Variants in BCKDK observed in about 807,000 individuals in gnomAD.
BCKDK encodes branched chain keto acid dehydrogenase kinase, also known as branched-chain alpha-ketoacid dehydrogenase kinase.
In BCKDK, 28 loss-of-function variants were observed where a neutral mutation model predicts 43.9. The observed-to-expected ratio is 0.64, with a 90% confidence interval of 0.47 to 0.87. The LOEUF (loss-of-function observed/expected upper bound fraction) is 0.87. Among genes scored for constraint, BCKDK ranks in the 40% least tolerant of loss-of-function variants. The pLI, the probability that BCKDK is intolerant of heterozygous loss-of-function variation, is 0.00. For missense variants in BCKDK, 483 were observed against 581.4 expected (o/e 0.83, Z 1.74); for synonymous variants, 257 against 234.3 (o/e 1.10, Z -0.88).
Position 31,109,021 on chromosome 16 carries a change from C to T in BCKDK, c.-177-26C>T. 2 of 504,056 alleles carry T rather than the reference C, an allele frequency of 4.0e-6. No homozygotes were observed. The highest frequency in any genetic ancestry group is 6.9e-6 in the Non-Finnish European group (2 of 287,990). 31.2% of individuals were successfully genotyped at this position (504,056 alleles called of 1,614,324 possible). On this transcript the variant is annotated intron_variant, in intron 1 of 11. Coordinates refer to ENST00000219794, the MANE Select transcript of BCKDK (RefSeq NM_005881.4). The surrounding 1 kb of genome is among the most constrained non-coding windows in gnomAD (Gnocchi z 5.3). ...CGGGTTCTGTGGATTCGGATCCTTACAACTTCCTCTTCCCCGCCCCGGTAG... is the reference window on the plus strand; with the variant it reads ...CGGGTTCTGTGGATTCGGATCCTTATAACTTCCTCTTCCCCGCCCCGGTAG...
chr16:31,112,447 C>T lies in BCKDK; in HGVS notation c.*182C>T, dbSNP rs571605687. On this transcript the variant is annotated 3_prime_UTR_variant, in exon 12 of 12. Transcript: ENST00000219794. This position sits in a 1 kb window ranked among gnomAD's most constrained non-coding sequence, Gnocchi z 5.0. Reference sequence around the variant, plus strand: ...GCCTCAACAGGGTCCATTGCCTCCTCGCCTCCAGAACTTGGAGCAGGGAAG... The same window carrying T: ...GCCTCAACAGGGTCCATTGCCTCCTTGCCTCCAGAACTTGGAGCAGGGAAG... 1.3e-5 allele frequency: 13 copies of T among 1,001,494 alleles called. No individual in the cohort carries two copies. The East Asian group carries it at 1.6e-4, about 12-fold the overall frequency. 62.0% of individuals were successfully genotyped at this position (1,001,494 alleles called of 1,614,324 possible). A position where few individuals can be genotyped will look rare whatever the true frequency, so the allele number is the denominator to read the frequency against.
At chr16:31,116,929 G>GA (rs1567432005), downstream of BCKDK, among the ~76,000 whole-genome samples, 1 of 44,278 alleles carries the variant, frequency 2.3e-5, no homozygotes, top group Non-Finnish European at 4.7e-5. Context: ...AAAAAAAAAA[G>GA]GGGGGGGGGC....
Position 31,110,521 on chromosome 16 carries a change from C to T in BCKDK, c.642+22C>T, listed in dbSNP as rs762568662. 4.3e-6 allele frequency: 7 copies of T among 1,611,544 alleles called. No individual in the cohort carries two copies. The highest frequency in any genetic ancestry group is 5.9e-6 in the Non-Finnish European group (7 of 1,178,186). On this transcript the variant is annotated intron_variant, in intron 7 of 11. Transcript: ENST00000219794. The surrounding 1 kb of genome is among the most constrained non-coding windows in gnomAD (Gnocchi z 5.4). ...CAAGGTGGGGCTCTGGGACCTGAGA[C>T]CCACCTGGGAACATTAAGTGAGACA...
At chr16:31,114,620 T>C (rs972523934), downstream of BCKDK, among the ~76,000 whole-genome samples, 2 of 152,120 alleles carry the variant, frequency 1.3e-5, no homozygotes, top group African/African-American at 2.4e-5. Context: ...TCAAACAAGA[T>C]TCAGAGAATA....
rs767003668 is a variant in BCKDK, at chr16:31,112,001, T to C, written c.1068T>C (p.Ser356=). 7.4e-6 allele frequency: 12 copies of C among 1,614,026 alleles called. No individual in the cohort carries two copies. In the South Asian group the frequency reaches 9.9e-5, roughly 13 times the overall value. Residue 356 remains serine (S), a synonymous_variant, in exon 11 of 12, where the codon AGT becomes AGC. Coordinates refer to ENST00000219794, the MANE Select transcript of BCKDK (RefSeq NM_005881.4). The surrounding 1 kb of genome is among the most constrained non-coding windows in gnomAD (Gnocchi z 5.0). ...SPLFGHLDMH[S]GAQSGPMHGF... ...TCTTTGGCCATCTGGACATGCATAG[T>C]GGCGCCCAGTCAGGACCCATGCACG... is the stretch of plus-strand genomic sequence containing the variant.
chr16:31,112,401 C>T lies in BCKDK; in HGVS notation c.*136C>T. The T allele has an allele frequency of 7.1e-7, 1 of 1,399,824 alleles. No homozygotes were observed. Among genetic ancestry groups the T allele is most frequent in the Admixed American group, 1.9e-5 (1 of 52,854 alleles). The allele number at this position is 1,399,824 out of a possible 1,614,324, so 86.7% of individuals were successfully genotyped here. On this transcript the variant is annotated 3_prime_UTR_variant, in exon 12 of 12. Coordinates refer to ENST00000219794, the MANE Select transcript of BCKDK (RefSeq NM_005881.4). The surrounding 1 kb of genome is among the most constrained non-coding windows in gnomAD (Gnocchi z 5.0). ...TCAGGGACCCAGACAGATGGACTTA[C>T]ATGGAGCTGGGCACTGCCCTGCCTC...
chr16:31,114,138 G>T (rs749701998), downstream of BCKDK, among the ~76,000 whole-genome samples: 1 of 152,182 alleles, frequency 6.6e-6, no homozygotes, highest in African/African-American at 2.4e-5. Flanking sequence ...TGGGCACACA[G>T]AAACAGCAAG....
downstream of BCKDK, among the ~76,000 whole-genome samples, chr16:31,116,532 G>A (rs1232812845): frequency 1.3e-5 from 2 of 151,958 alleles, no homozygotes; most frequent in East Asian, 3.9e-4. Flanking sequence ...TCCTGTGAGG[G>A]TGAATTATGG....
At chr16:31,115,990 C>T (rs1025339272), downstream of BCKDK, 2 of 152,380 alleles carry the variant, frequency 1.3e-5, no homozygotes, top group Admixed American at 6.5e-5. Context: ...CAGCTCACTG[C>T]AAGCTCCACC....
downstream of BCKDK, among the ~76,000 whole-genome samples, chr16:31,116,933 G>GT (rs1171642934): frequency 8.1e-6 from 1 of 123,154 alleles, no homozygotes; most frequent in Non-Finnish European, 1.7e-5. Context: ...AAAAAAGGGG[G>GT]GGGGGCGGGG....
In BCKDK at chr16:31,112,366, A is replaced by G. The variant is rs1232137829; in HGVS notation, c.*101A>G. ...GGCCCCCTGCTCCACACACTGCTGC[A>G]TCTTGGGTCTCAGGGACCCAGACAG... On this transcript the variant is annotated 3_prime_UTR_variant, in exon 12 of 12. Coordinates refer to ENST00000219794, the MANE Select transcript of BCKDK (RefSeq NM_005881.4). The surrounding 1 kb of genome is among the most constrained non-coding windows in gnomAD (Gnocchi z 5.0). 4 of 1,557,206 alleles carry G rather than the reference A, an allele frequency of 2.6e-6. No homozygotes were observed. Among genetic ancestry groups the G allele is most frequent in the African/African-American group, 1.4e-5 (1 of 74,060 alleles).
rs1281063641 is a variant in BCKDK, at chr16:31,109,026, TC to T, written c.-177-19del. ...TCTGTGGATTCGGATCCTTACAACT[TC>T]CTCTTCCCCGCCCCGGTAGATGGGA... On this transcript the variant is annotated intron_variant, in intron 1 of 11. Transcript: ENST00000219794. This position sits in a 1 kb window ranked among gnomAD's most constrained non-coding sequence, Gnocchi z 5.3. The T allele has an allele frequency of 2.0e-6, 1 of 506,496 alleles. No individual in the cohort carries two copies. Among genetic ancestry groups the T allele is most frequent in the Non-Finnish European group, 3.4e-6 (1 of 290,248 alleles). The allele number at this position is 506,496 out of a possible 1,614,324, so 31.4% of individuals were successfully genotyped here.
rs766941920 is a variant in BCKDK at position 31,109,471 on chromosome 16, T to G, written c.196-40T>G. 1 of 1,611,142 alleles carries G rather than the reference T, an allele frequency of 6.2e-7. No individual in the cohort carries two copies. The highest frequency in any genetic ancestry group is 8.5e-7 in the Non-Finnish European group (1 of 1,179,146). ...TCCGGGATGTAGGCGGGAGGGAGAG[T>G]GTTGGGGGTTCTCTGCTCAAGGCCT... On this transcript the variant is annotated intron_variant, in intron 2 of 11. Transcript: ENST00000219794. This position sits in a 1 kb window ranked among gnomAD's most constrained non-coding sequence, Gnocchi z 5.3.
chr16:31,110,154 G>A lies in BCKDK; in HGVS notation c.423+30G>A. On this transcript the variant is annotated intron_variant, in intron 5 of 11. Transcript: ENST00000219794. This position sits in a 1 kb window ranked among gnomAD's most constrained non-coding sequence, Gnocchi z 5.4. ...GTGCTGGGCCAGAGCAGGGTGAGGG[G>A]CTGAGAGGTTGGGCTTGGACCACCC... 4.3e-6 allele frequency: 7 copies of A among 1,614,186 alleles called. No individual in the cohort carries two copies. Among genetic ancestry groups the A allele is most frequent in the Non-Finnish European group, 5.9e-6 (7 of 1,180,034 alleles).
chr16:31,110,464 T>C lies in BCKDK; in HGVS notation c.607T>C (p.Leu203=), dbSNP rs1158503646. The C allele has an allele frequency of 1.2e-6, 2 of 1,613,754 alleles. No individual in the cohort carries two copies. The highest frequency in any genetic ancestry group is 1.3e-5 in the African/African-American group (1 of 74,908). The change falls in exon 7 of 12, where the codon TTG becomes CTG. Residue 203 remains leucine, a synonymous_variant. Transcript: ENST00000219794. This position sits in a 1 kb window ranked among gnomAD's most constrained non-coding sequence, Gnocchi z 5.4. The stretch of plus-strand genomic sequence containing the variant: ...GACTTCGAGGCTTGGAATCCGCATG[T>C]TGGCCACGCATCACCTGGCGCTGCA... ...TLTSRLGIRM[L]ATHHLALHED...
Position 31,110,610 on chromosome 16 carries a change from T to C in BCKDK, c.643-78T>C. 1 of 1,590,282 alleles carries C rather than the reference T, an allele frequency of 6.3e-7. No homozygotes were observed. The highest frequency in any genetic ancestry group is 8.6e-7 in the Non-Finnish European group (1 of 1,158,874). ...GGCTGAGGCTGTGGGGCTGGTGCTT[T>C]GGGGCAGTTCCGAAGTTGCCAGCAT... On this transcript the variant is annotated intron_variant, in intron 7 of 11. Coordinates refer to ENST00000219794, the MANE Select transcript of BCKDK (RefSeq NM_005881.4). The surrounding 1 kb of genome is among the most constrained non-coding windows in gnomAD (Gnocchi z 5.4).
rs2057382852 is a variant in BCKDK, at chr16:31,108,484, G to C, written c.-178+5G>C. 1 of 152,188 alleles carries C rather than the reference G, an allele frequency of 6.6e-6. No individual in the cohort carries two copies. Among genetic ancestry groups the C allele is most frequent in the African/African-American group, 2.4e-5 (1 of 41,452 alleles). The allele number at this position is 152,188 out of a possible 1,614,324, so 9.4% of individuals were successfully genotyped here. ...GGCCCTGGCTCCGGCCCCGCGGTAA[G>C]TGGGGCGACCCCAGCCTACTCAGTC... On this transcript the variant is annotated splice_donor_5th_base_variant and intron_variant, in intron 1 of 11. Coordinates refer to ENST00000219794, the MANE Select transcript of BCKDK (RefSeq NM_005881.4). This position sits in a 1 kb window ranked among gnomAD's most constrained non-coding sequence, Gnocchi z 6.2.
In BCKDK at chr16:31,112,353, C is replaced by T. The variant is rs567586559; in HGVS notation, c.*88C>T. On this transcript the variant is annotated 3_prime_UTR_variant, in exon 12 of 12. Transcript: ENST00000219794. The surrounding 1 kb of genome is among the most constrained non-coding windows in gnomAD (Gnocchi z 5.0). ...GGTCAGGCAGGGCGGCCCCCTGCTC[C>T]ACACACTGCTGCATCTTGGGTCTCA... The T allele has an allele frequency of 1.8e-5, 29 of 1,573,878 alleles. No individual in the cohort carries two copies. Among genetic ancestry groups the T allele is most frequent in the Non-Finnish European group, 2.5e-5 (29 of 1,159,002 alleles).
downstream of BCKDK, among the ~76,000 whole-genome samples, chr16:31,117,059 C>T (rs892271189): frequency 1.3e-5 from 2 of 150,642 alleles, no homozygotes; most frequent in African/African-American, 4.9e-5. Flanking sequence ...TTGGCTTCCG[C>T]AGGTACCAGG....
Sources: gnomAD v4.1 joint callset for allele counts (sites outside exome capture counted in the v4.1 genomes callset) on GRCh38, gnomAD v4.1.1 for gene constraint, Gnocchi (gnomAD v3.1) non-coding constraint, MANE v1.5 for transcripts, NCBI Gene and HGNC (gene_info 2026-07-23, HGNC 2026-07-21) for gene names.